SLC35F3: variants seen among roughly 807,000 people sequenced by gnomAD.
SLC35F3 encodes the protein putative thiamine transporter SLC35F3.
SLC35F3 carries 25 observed loss-of-function variants against 49.9 expected under a neutral mutation model. The observed-to-expected ratio is 0.50, with a 90% CI of 0.37 to 0.70. SLC35F3 has a LOEUF of 0.70. Ranked by LOEUF, SLC35F3 falls within the 30% of genes least tolerant of loss-of-function variation. The pLI is 0.00. For synonymous variants in SLC35F3, 275 were observed against 265.4 expected, an observed-to-expected ratio of 1.04 and a Z score of -0.35; for missense variants, 525 against 639.8, an observed-to-expected ratio of 0.82 and a Z score of 1.94.
chr1:234,191,623 C>G (rs1485556044), intron 2 of SLC35F3, among the ~76,000 whole-genome samples: 1 of 132,102 alleles, frequency 7.6e-6, no homozygotes, highest in Non-Finnish European at 1.5e-5. Flanking sequence ...GAAATTGAAA[C>G]AACAACAAAA....
chr1:234,258,340 C>T (rs914200800), intron 3 of SLC35F3, among the ~76,000 whole-genome samples: 2 of 152,142 alleles, frequency 1.3e-5, no homozygotes, highest in African/African-American at 4.8e-5. Context: ...CCTCAGTGAA[C>T]AAATTGGAAA....
chr1:234,017,884 A>G (rs769250061), intron 2 of SLC35F3, among the ~76,000 whole-genome samples: 2 of 152,038 alleles, frequency 1.3e-5, no homozygotes, highest in Non-Finnish European at 2.9e-5. Context: ...CTCATGTCTC[A>G]AGGAAGCTTC....
chr1:234,281,421 A>C (rs1572133164), intron 3 of SLC35F3, among the ~76,000 whole-genome samples: 1 of 152,234 alleles, frequency 6.6e-6, no homozygotes, highest in African/African-American at 2.4e-5. Flanking sequence ...ATGGCAGCCC[A>C]GGCAGACCCA....
intron 2 of SLC35F3, among the ~76,000 whole-genome samples, chr1:234,083,273 T>G (rs566225492): frequency 1.3e-5 from 2 of 152,350 alleles, no homozygotes; most frequent in Middle Eastern, 3.4e-3. Context: ...CTCAAAGCAG[T>G]CTTTGATAGA....
At chr1:234,191,056 A>G (rs1195057671) in intron 2 of SLC35F3, among the ~76,000 whole-genome samples, 1 of 152,184 alleles carries the variant, frequency 6.6e-6, no homozygotes, top group Non-Finnish European at 1.5e-5. Context: ...AGGAGGAGGT[A>G]ATGATTGGTT....
chr1:234,208,181 C>G (rs1341405608), intron 2 of SLC35F3, among the ~76,000 whole-genome samples: 1 of 152,198 alleles, frequency 6.6e-6, no homozygotes, highest in Non-Finnish European at 1.5e-5. Flanking sequence ...GTTGGCTATA[C>G]TTTAAGGCAT....
At chr1:234,082,281 T>G (rs924242217) in intron 2 of SLC35F3, among the ~76,000 whole-genome samples, 1 of 152,168 alleles carries the variant, frequency 6.6e-6, no homozygotes, top group Admixed American at 6.5e-5. Context: ...GAGAAGTACA[T>G]CAAATGGCTT....
At chr1:234,072,900 A>G (rs1405508035) in intron 2 of SLC35F3, among the ~76,000 whole-genome samples, 1 of 152,160 alleles carries the variant, frequency 6.6e-6, no homozygotes, top group Non-Finnish European at 1.5e-5. Flanking sequence ...AGTGGCATGA[A>G]CTAACTTAGG....
intron 4 of SLC35F3, among the ~76,000 whole-genome samples, chr1:234,309,771 C>A (rs989395606): frequency 6.6e-6 from 1 of 152,234 alleles, no homozygotes; most frequent in Non-Finnish European, 1.5e-5. Context: ...CTTCGGCATC[C>A]ATGCGTGCAT....
intron 2 of SLC35F3, among the ~76,000 whole-genome samples, chr1:234,196,732 G>A (rs549849504): frequency 7.2e-5 from 11 of 152,360 alleles, no homozygotes; most frequent in Non-Finnish European, 1.6e-4. Flanking sequence ...CTGAGGTTAG[G>A]AGTTCGAGAC....
At chr1:233,910,716 G>T (rs1661860872) in intron 2 of SLC35F3, among the ~76,000 whole-genome samples, 1 of 152,196 alleles carries the variant, frequency 6.6e-6, no homozygotes. Context: ...TAGCTTTTTT[G>T]AAGGGGGTCA....
At chr1:234,218,206 C>T (rs1440374619) in intron 2 of SLC35F3, among the ~76,000 whole-genome samples, 1 of 152,194 alleles carries the variant, frequency 6.6e-6, no homozygotes, top group Non-Finnish European at 1.5e-5. Context: ...TTACTGGGAT[C>T]AGCTCTACTC....
intron 4 of SLC35F3, among the ~76,000 whole-genome samples, chr1:234,312,664 A>T (rs6658220): frequency 0.58 from 88,796 of 151,898 alleles, 26,030 homozygotes; most frequent in East Asian, 0.74. Context: ...AACTCCAGTA[A>T]TCCTTGAGTC....
At position 234,231,402 on chromosome 1, in the gene SLC35F3, C is replaced by T. The variant is rs1471242730; in HGVS notation, c.284-15C>T. On this transcript the variant is annotated splice_polypyrimidine_tract_variant and intron_variant, in intron 2 of 7. Transcript: ENST00000366618. The surrounding 1 kb of genome is among the most constrained non-coding windows in gnomAD (Gnocchi z 5.4). ...GGTCTGCAGGCCCCGCTAACCACGC[C>T]CTTCTCTTCCCCAGGGGAGGAGCGC... 4 of 1,510,182 alleles carry T rather than the reference C, an allele frequency of 2.6e-6. No individual in the cohort carries two copies. The highest frequency in any genetic ancestry group is 3.5e-6 in the Non-Finnish European group (4 of 1,132,392). The allele number at this position is 1,510,182 out of a possible 1,614,324, so 93.5% of individuals were successfully genotyped here.
At chr1:234,252,906 A>G (rs1248113752) in intron 3 of SLC35F3, among the ~76,000 whole-genome samples, 1 of 152,256 alleles carries the variant, frequency 6.6e-6, no homozygotes, top group Non-Finnish European at 1.5e-5. Context: ...GCAAGCATGG[A>G]CGATAAAGTT....
intron 2 of SLC35F3, among the ~76,000 whole-genome samples, chr1:234,135,024 T>C (rs567739391): frequency 5.9e-5 from 9 of 152,268 alleles, no homozygotes; most frequent in Admixed American, 1.3e-4. Flanking sequence ...CCAGCCAGCA[T>C]TGGTATTTTC....
At chr1:234,130,622 CAG>C (rs201414563) in intron 2 of SLC35F3, among the ~76,000 whole-genome samples, 1 of 137,896 alleles carries the variant, frequency 7.3e-6, no homozygotes. Context: ...GCCCAGGTGA[CAG>C]AGAGAGAGAG....
chr1:234,164,544 G>A (rs1378278689), intron 2 of SLC35F3, among the ~76,000 whole-genome samples: 3 of 152,154 alleles, frequency 2.0e-5, no homozygotes, highest in Non-Finnish European at 2.9e-5. Context: ...GTCATTGGAA[G>A]GGCGGCCACG....
intron 3 of SLC35F3, among the ~76,000 whole-genome samples, chr1:234,284,797 C>G (rs1668391592): frequency 6.6e-6 from 1 of 152,124 alleles, no homozygotes; most frequent in African/African-American, 2.4e-5. Context: ...TGACTCACAG[C>G]TCTTTGAGGA....
Sources: gnomAD v4.1 joint callset for allele counts (sites outside exome capture counted in the v4.1 genomes callset) on GRCh38, gnomAD v4.1.1 for gene constraint, Gnocchi (gnomAD v3.1) non-coding constraint, MANE v1.5 for transcripts, NCBI Gene and HGNC (gene_info 2026-07-23, HGNC 2026-07-21) for gene names.